KIF14: variants seen among roughly 807,000 people sequenced by gnomAD.
The protein encoded by KIF14 is kinesin family member 14, also known as kinesin-like protein KIF14.
In KIF14, 98 loss-of-function variants were observed where a neutral mutation model predicts 176.2. The ratio of observed to expected loss-of-function variants is 0.56; its 90% CI spans 0.47 to 0.66. The LOEUF (loss-of-function observed/expected upper bound fraction) is 0.66, where lower values mean the gene tolerates loss of function less well. KIF14 is among the 30% of genes least tolerant of loss of function. KIF14 has a pLI of 0.00. For synonymous variants in KIF14, 566 were observed against 632.2 expected (o/e 0.90, Z 1.57); for missense variants, 1,751 against 1,920.4 (o/e 0.91, Z 1.65).
intron 18 of KIF14, among the ~76,000 whole-genome samples, chr1:200,588,834 C>T (rs1264214523): frequency 1.3e-5 from 2 of 152,230 alleles, no homozygotes; most frequent in Non-Finnish European, 2.9e-5. Flanking sequence ...TTGCTGCTCT[C>T]TCCACAGGCA....
intron 10 of KIF14, among the ~76,000 whole-genome samples, chr1:200,602,489 GAA>G (rs796793604): frequency 6.6e-6 from 1 of 152,240 alleles, no homozygotes; most frequent in African/African-American, 2.4e-5. Context: ...TTATTTTAGA[GAA>G]AAAGAGTATG....
intron 23 of KIF14, among the ~76,000 whole-genome samples, chr1:200,566,261 A>C (rs1005677789): frequency 1.3e-5 from 2 of 151,842 alleles, no homozygotes; most frequent in African/African-American, 4.8e-5. Flanking sequence ...TATGGTAGGA[A>C]TTAATTTTCT....
At position 200,593,719 on chromosome 1, in the gene KIF14, G is replaced by C. The variant is rs750012768; in HGVS notation, c.2600C>G (p.Ala867Gly). The C allele has an allele frequency of 3.7e-6, 6 of 1,612,584 alleles. No individual in the cohort carries two copies. Among genetic ancestry groups the C allele is most frequent in the South Asian group, 2.2e-5 (2 of 91,060 alleles). ...ATGTTTTCCATTTACATATGTCTTTGCTTCCCCAACTGGGATAATACTCAC... is the reference window on the plus strand; with the variant it reads ...ATGTTTTCCATTTACATATGTCTTTCCTTCCCCAACTGGGATAATACTCAC... ...GTVSIIPVGE[A>G]KTYVNGKHIL... is the part of the protein sequence containing the mutation. Residue 867 changes from alanine (A) to glycine (G), a missense_variant, in exon 15 of 30, where the codon GCA becomes GGA. By Grantham distance (60) the Ala-to-Gly change is moderately conservative (BLOSUM62 0). Coordinates refer to ENST00000367350, the MANE Select transcript of KIF14 (RefSeq NM_014875.3).
At chr1:200,564,751 T>C (rs1433021003) in intron 25 of KIF14, among the ~76,000 whole-genome samples, 1 of 152,160 alleles carries the variant, frequency 6.6e-6, no homozygotes, top group African/African-American at 2.4e-5. Context: ...TAGGTAACAT[T>C]GGATGGTATA....
intron 22 of KIF14, among the ~76,000 whole-genome samples, chr1:200,574,559 C>G (rs1316207552): frequency 6.6e-6 from 1 of 152,212 alleles, no homozygotes; most frequent in Non-Finnish European, 1.5e-5. Context: ...CCTGGTCTTT[C>G]AGGACAGAGC....
rs200470920 is a variant in KIF14, at chr1:200,560,750, T to C, written c.4202A>G (p.Asn1401Ser). The C allele has an allele frequency of 6.2e-7, 1 of 1,614,206 alleles. No homozygotes were observed. The highest frequency in any genetic ancestry group is 2.2e-5 in the East Asian group (1 of 44,880). ...LKGSKLHFLE[N>S]GNNKAASVQE... ...GACACTGGCAGCTTTATTGTTACCG[T>C]TTTCTAGAAAATGTAGCTTGCTCCC... Residue 1401 changes from asparagine to serine, a missense_variant, in exon 26 of 30, where the codon AAC becomes AGC. Asn to Ser is a conservative substitution (Grantham distance 46, BLOSUM62 1). Transcript: ENST00000367350.
chr1:200,568,474 C>T (rs1477569003), intron 23 of KIF14, among the ~76,000 whole-genome samples: 1 of 152,134 alleles, frequency 6.6e-6, no homozygotes, highest in East Asian at 1.9e-4. Flanking sequence ...CCTTTTATGG[C>T]TACTCATATT....
At chr1:200,610,217 T>C (rs988640049) in intron 4 of KIF14, among the ~76,000 whole-genome samples, 4 of 152,108 alleles carry the variant, frequency 2.6e-5, no homozygotes, top group African/African-American at 9.7e-5. Flanking sequence ...AAAAAAAATT[T>C]TGGCTGGGCG....
At chr1:200,554,662 A>C (rs760690325) in intron 28 of KIF14, 56 bp from the exon 29 acceptor site, 1 of 868,964 alleles carries the variant, frequency 1.2e-6, no homozygotes, top group Non-Finnish European at 1.8e-6. Flanking sequence ...AATGGCAGTA[A>C]GGCTCAGTCA....
rs545581911 is a variant in KIF14 at position 200,585,162 on chromosome 1, A to C, written c.3241+939T>G. On this transcript the variant is annotated intron_variant, in intron 19 of 29. Transcript: ENST00000367350. ...ATGAATACACTCTGGAGGTCTAATG[A>C]ACAGAAAGTTGCCTATAATTAATAA... Among the ~76,000 whole-genome samples, 40 of 152,204 alleles carry C rather than the reference A, an allele frequency of 2.6e-4. 1 individual carries two copies. The South Asian group carries it at 7.5e-3, about 28-fold the overall frequency.
chr1:200,565,951 C>A (rs1657424390), intron 23 of KIF14, among the ~76,000 whole-genome samples: 1 of 152,152 alleles, frequency 6.6e-6, no homozygotes, highest in Non-Finnish European at 1.5e-5. Flanking sequence ...CCCTCTGCTG[C>A]TTGCAAATAT....
intron 4 of KIF14, among the ~76,000 whole-genome samples, chr1:200,614,040 T>A (rs1230743694): frequency 6.6e-6 from 1 of 152,212 alleles, no homozygotes; most frequent in Non-Finnish European, 1.5e-5. Context: ...AGCACATAGC[T>A]ACCATGTTTG....
At chr1:200,559,133 T>C (rs1656989534) in intron 27 of KIF14, among the ~76,000 whole-genome samples, 197 bp downstream of exon 27, 1 of 152,104 alleles carries the variant, frequency 6.6e-6, no homozygotes, top group Non-Finnish European at 1.5e-5. Context: ...AAGCAAAATA[T>C]TAACAATAGA....
intron 22 of KIF14, among the ~76,000 whole-genome samples, chr1:200,572,912 C>T (rs188430372): frequency 6.6e-6 from 1 of 152,326 alleles, no homozygotes; most frequent in African/African-American, 2.4e-5. Context: ...AAGGCCAACT[C>T]TGTCAAGTCC....
In KIF14 at chr1:200,575,672, C is replaced by T. The variant is rs140948837; in HGVS notation, c.3485G>A (p.Gly1162Asp). The T allele has an allele frequency of 1.5e-5, 24 of 1,582,572 alleles. No homozygotes were observed. The highest frequency in any genetic ancestry group is 6.8e-5 in the Admixed American group (4 of 58,574). Residue 1162 changes from glycine to aspartate, a missense_variant, in exon 22 of 30, where the codon GGT becomes GAT. Physicochemically the swap from Gly to Asp is moderately conservative, Grantham distance 94. Coordinates refer to ENST00000367350, the MANE Select transcript of KIF14 (RefSeq NM_014875.3). The part of the protein sequence containing the change: ...ELYESNGSNR[G>D]EDAFCDPEDE... The stretch of plus-strand genomic sequence containing the variant: ...TTCAGGATCACAAAAGGCATCTTCA[C>T]CCCTGTTACTACCATTACTCTAAGA...
chr1:200,602,741 TTAAA>T lies in KIF14; in HGVS notation c.1979+481_1979+484del, dbSNP rs776232250. Among the ~76,000 whole-genome samples, 79 of 152,294 alleles carry T rather than the reference TTAAA, an allele frequency of 5.2e-4. No individual in the cohort carries two copies. In the Middle Eastern group the frequency reaches 0.014, roughly 26 times the overall value. On this transcript the variant is annotated intron_variant, in intron 10 of 29. Transcript: ENST00000367350. ...TAATCTGAATGTAACATATTGAAAA[TTAAA>T]TATACATTCACTAATGAAAACATTT...
intron 14 of KIF14, among the ~76,000 whole-genome samples, chr1:200,597,711 T>G (rs768385035): frequency 5.9e-5 from 9 of 152,196 alleles, no homozygotes; most frequent in Non-Finnish European, 1.0e-4. Context: ...TTAAAAGCAC[T>G]TCCTAAACTT....
chr1:200,556,619 G>A (rs972861346), intron 27 of KIF14, among the ~76,000 whole-genome samples: 5 of 152,146 alleles, frequency 3.3e-5, no homozygotes, highest in Non-Finnish European at 7.4e-5. Context: ...ACAATACCAA[G>A]GCTAACACCT....
At position 200,618,648 on chromosome 1, in the gene KIF14, A is replaced by G. The variant is rs765550865; in HGVS notation, c.76T>C (p.Ser26Pro). 2 of 1,613,922 alleles carry G rather than the reference A, an allele frequency of 1.2e-6. No homozygotes were observed. Among genetic ancestry groups the G allele is most frequent in the Non-Finnish European group, 8.5e-7 (1 of 1,179,976 alleles). Residue 26 changes from serine to proline, a missense_variant, in exon 2 of 30, where the codon TCA (serine) becomes CCA (proline). Coordinates refer to ENST00000367350, the MANE Select transcript of KIF14 (RefSeq NM_014875.3). ...CTACTGTGGGTGAGGGCATTCAGTG[A>G]TGAACTATTTTGGGAAGAAGGAATA... Reference protein sequence around the residue: ...LDIPSSQNSSSLNALTHSSRL... With the variant: ...LDIPSSQNSSPLNALTHSSRL...
Sources: allele counts gnomAD v4.1 joint callset (sites outside exome capture counted in the v4.1 genomes callset), GRCh38; gene constraint gnomAD v4.1.1; transcripts MANE v1.5; gene names NCBI Gene and HGNC (gene_info 2026-07-23, HGNC 2026-07-21).